Variants in HKDC1 observed in about 807,000 individuals in gnomAD.
HKDC1 encodes hexokinase domain containing 1, also known as hexokinase HKDC1.
A neutral mutation model predicts 96.6 loss-of-function variants in HKDC1; 66 were observed. That is an observed-to-expected ratio of 0.68 (90% confidence interval 0.56 to 0.84). HKDC1 has a LOEUF of 0.84. HKDC1 is among the 40% of genes least tolerant of loss of function. HKDC1 has a pLI of 0.00. For synonymous variants in HKDC1, 466 were observed against 473.1 expected (o/e 0.98, Z 0.20); for missense variants, 1,211 against 1,208.1 (o/e 1.00, Z -0.04).
At chr10:69,238,552 A>G (rs1369245449) in intron 4 of HKDC1, among the ~76,000 whole-genome samples, 1 of 83,796 alleles carries the variant, frequency 1.2e-5, no homozygotes, top group Non-Finnish European at 2.3e-5. Flanking sequence ...AATTTTTTGT[A>G]TTTTTAGTAG....
intron 4 of HKDC1, among the ~76,000 whole-genome samples, chr10:69,237,295 G>C (rs552862728): frequency 0.041 from 6,289 of 151,592 alleles, 442 homozygotes; most frequent in African/African-American, 0.14. Flanking sequence ...GTGTGTGTGT[G>C]TGTGTGTGTG....
rs771926684 is a variant in HKDC1 at position 69,247,438 on chromosome 10, C to T, written c.1110C>T (p.Ala370=). 32 of 1,614,008 alleles carry T rather than the reference C, an allele frequency of 2.0e-5. No homozygotes were observed. Among genetic ancestry groups the T allele is most frequent in the African/African-American group, 9.3e-5 (7 of 74,888 alleles). Residue 370 remains alanine, a synonymous_variant, in exon 9 of 18, where the codon GCC becomes GCT. Transcript: ENST00000354624. ...GLEPSEADCI[A]VQHVCTIVSF... is the part of the protein sequence containing the mutation. ...AACCGTCTGAGGCTGACTGCATTGC[C>T]GTCCAGCATGTCTGTACCATCGTCT...
chr10:69,235,017 C>T (rs973157293), intron 4 of HKDC1, among the ~76,000 whole-genome samples: 2 of 152,172 alleles, frequency 1.3e-5, no homozygotes, highest in African/African-American at 4.8e-5. Flanking sequence ...AATCCCAGCA[C>T]CCTGGGAGGC....
At position 69,248,532 on chromosome 10, in the gene HKDC1, G is replaced by A. The variant is rs147007374; in HGVS notation, c.1374G>A (p.Ala458=). ...CCAAGGGGGCCGCCATGGTGACCGC[G>A]GTGGCCTCCCGCGTGCAGGCCCAGC... ...GSTKGAAMVT[A]VASRVQAQRK... The change falls in exon 10 of 18, where the codon GCG becomes GCA. Residue 458 remains alanine, a synonymous_variant. Coordinates refer to ENST00000354624, the MANE Select transcript of HKDC1 (RefSeq NM_025130.4). 10 of 1,613,888 alleles carry A rather than the reference G, an allele frequency of 6.2e-6. No homozygotes were observed. Among genetic ancestry groups the A allele is most frequent in the South Asian group, 2.2e-5 (2 of 91,076 alleles).
In HKDC1 at chr10:69,250,732, C is replaced by T. The variant is rs1343073595; in HGVS notation, c.1836+80C>T. On this transcript the variant is annotated intron_variant, in intron 12 of 17. Coordinates refer to ENST00000354624, the MANE Select transcript of HKDC1 (RefSeq NM_025130.4). ...GGGACCATCTCCAGGTAACTCCCAG[C>T]CTGCCTTCATTTTTACAGGGATCTT... 3.3e-6 allele frequency: 5 copies of T among 1,514,062 alleles called. No individual in the cohort carries two copies. The East Asian group carries it at 9.0e-5, about 27-fold the overall frequency. The allele number at this position is 1,514,062 out of a possible 1,614,324, so 93.8% of individuals were successfully genotyped here. A position where few individuals can be genotyped will look rare whatever the true frequency, so the allele number is the denominator to read the frequency against.
rs111490764 is a variant in HKDC1 at position 69,223,662 on chromosome 10, T to C, written c.63+3164T>C. Among the ~76,000 whole-genome samples, 1,122 of 141,932 alleles carry C rather than the reference T, an allele frequency of 7.9e-3. 15 individuals are homozygous for C. The highest frequency in any genetic ancestry group is 0.029 in the African/African-American group (1,083 of 37,952). 93.1% of individuals were successfully genotyped at this position (141,932 alleles called of 152,430 possible). On this transcript the variant is annotated intron_variant, in intron 1 of 17. Coordinates refer to ENST00000354624, the MANE Select transcript of HKDC1 (RefSeq NM_025130.4). ...GTGCAGTGGTGCGATCTTGGCTCAC[T>C]GCAACCTCCGCCTCCAGGGCTCAAG...
At chr10:69,261,477 A>T in intron 16 of HKDC1, 183 bp downstream of exon 16, 1 of 569,964 alleles carries the variant, frequency 1.8e-6, no homozygotes, top group Non-Finnish European at 3.1e-6. Context: ...TAATAAACTC[A>T]TGGCCAAACT....
Position 69,266,948 on chromosome 10 carries a change from A to G in HKDC1, c.*191A>G. On this transcript the variant is annotated 3_prime_UTR_variant, in exon 18 of 18. Coordinates refer to ENST00000354624, the MANE Select transcript of HKDC1 (RefSeq NM_025130.4). Reference sequence around the variant, plus strand: ...TGCAGTGACATTACATGACATCTCTATTTGGTATATTTGGGCCAAAATGGG... The same window carrying G: ...TGCAGTGACATTACATGACATCTCTGTTTGGTATATTTGGGCCAAAATGGG... The G allele has an allele frequency of 6.0e-6, 3 of 498,794 alleles. No individual in the cohort carries two copies. Among genetic ancestry groups the G allele is most frequent in the South Asian group, 7.2e-5 (2 of 27,640 alleles). The allele number at this position is 498,794 out of a possible 1,614,324, so 30.9% of individuals were successfully genotyped here.
At chr10:69,262,801 A>G (rs1294164233) in intron 16 of HKDC1, among the ~76,000 whole-genome samples, 2 of 152,196 alleles carry the variant, frequency 1.3e-5, no homozygotes, top group African/African-American at 4.8e-5. Flanking sequence ...CAACCCATCC[A>G]ATCTGAACAG....
At position 69,237,341 on chromosome 10, in the gene HKDC1, T is replaced by C. The variant is rs993902188; in HGVS notation, c.496-1701T>C. Among the ~76,000 whole-genome samples, 50 of 149,206 alleles carry C rather than the reference T, an allele frequency of 3.4e-4. 1 individual carries two copies. Among genetic ancestry groups the C allele is most frequent in the Non-Finnish European group, 4.5e-4 (30 of 67,312 alleles). ...TGTTTTCTGATAATAAAATAAATGG[T>C]AATACTTTTTTCAAGGTTTAAAAAA... On this transcript the variant is annotated intron_variant, in intron 4 of 17. Coordinates refer to ENST00000354624, the MANE Select transcript of HKDC1 (RefSeq NM_025130.4).
At chr10:69,258,409 T>G (rs924346499) in intron 14 of HKDC1, among the ~76,000 whole-genome samples, 7 of 152,168 alleles carry the variant, frequency 4.6e-5, no homozygotes, top group African/African-American at 1.7e-4. Context: ...CCCTTCCAGC[T>G]CTGACTGCTA....
intron 9 of HKDC1, among the ~76,000 whole-genome samples, chr10:69,248,137 T>C (rs1180900568): frequency 1.3e-5 from 2 of 152,010 alleles, no homozygotes; most frequent in Non-Finnish European, 2.9e-5. Context: ...AGAAAGAAAA[T>C]CCTTCTCTTT....
In HKDC1 at chr10:69,267,137, G is replaced by A; in HGVS notation, c.*380G>A. On this transcript the variant is annotated 3_prime_UTR_variant, in exon 18 of 18. Coordinates refer to ENST00000354624, the MANE Select transcript of HKDC1 (RefSeq NM_025130.4). ...GGCTGGCAGGCTGTTTCCCCATTGG[G>A]ATGCTTAAGCCATCTCTTATAGGGG... 1 of 224,416 alleles carries A rather than the reference G, an allele frequency of 4.5e-6. No individual in the cohort carries two copies. The highest frequency in any genetic ancestry group is 8.9e-6 in the Non-Finnish European group (1 of 112,924). The allele number at this position is 224,416 out of a possible 1,614,324, so 13.9% of individuals were successfully genotyped here. A position where few individuals can be genotyped will look rare whatever the true frequency, so the allele number is the denominator to read the frequency against.
chr10:69,233,100 T>C lies in HKDC1; in HGVS notation c.462T>C (p.Phe154=), dbSNP rs780956532. 3.7e-6 allele frequency: 6 copies of C among 1,614,182 alleles called. No individual in the cohort carries two copies. The highest frequency in any genetic ancestry group is 1.7e-5 in the Admixed American group (1 of 60,030). ...KHKKLPLGLT[F]SFPCRQTKLE... is the part of the protein sequence containing the mutation. ...AGAAATTGCCCCTTGGCCTAACTTT[T>C]TCTTTCCCCTGTCGACAGACTAAAC... The change falls in exon 4 of 18, where the codon TTT becomes TTC. Residue 154 remains phenylalanine, a synonymous_variant. Transcript: ENST00000354624.
chr10:69,240,283 T>C (rs1180225464), intron 5 of HKDC1, among the ~76,000 whole-genome samples: 2 of 152,068 alleles, frequency 1.3e-5, no homozygotes, highest in Non-Finnish European at 2.9e-5. Flanking sequence ...TGAACAGCCA[T>C]CACACTCTAG....
chr10:69,264,765 T>C (rs1843865883), intron 16 of HKDC1, among the ~76,000 whole-genome samples: 1 of 152,236 alleles, frequency 6.6e-6, no homozygotes, highest in Non-Finnish European at 1.5e-5. Flanking sequence ...GTTTCTCAAT[T>C]GTCTTTCTTG....
At chr10:69,246,262 G>A (rs747154181) in intron 8 of HKDC1, 28 bp downstream of exon 8, 45 of 1,609,314 alleles carry the variant, frequency 2.8e-5, no homozygotes, top group Non-Finnish European at 3.7e-5. Flanking sequence ...CCTTGGCTCT[G>A]TGGAGGGCTG....
rs1393095357 is a variant in HKDC1, at chr10:69,243,296, C to T, written c.806C>T (p.Ala269Val). Residue 269 changes from alanine (A) to valine (V), a missense_variant, in exon 7 of 18, where the codon GCC becomes GTC. By Grantham distance (64) the Ala-to-Val change is moderately conservative. Coordinates refer to ENST00000354624, the MANE Select transcript of HKDC1 (RefSeq NM_025130.4). ...TEWGAFGDDGALEDIRTEFDR... is the reference protein window; with the variant it reads ...TEWGAFGDDGVLEDIRTEFDR... ...TGGGGGGCCTTCGGGGACGACGGGG[C>T]CCTGGAGGACATTCGCACTGAGTTC... 3 of 1,613,484 alleles carry T rather than the reference C, an allele frequency of 1.9e-6. No individual in the cohort carries two copies. The highest frequency in any genetic ancestry group is 2.5e-6 in the Non-Finnish European group (3 of 1,179,696).
intron 14 of HKDC1, 133 bp downstream of exon 14, chr10:69,257,559 G>T: frequency 1.4e-6 from 1 of 733,334 alleles, no homozygotes; most frequent in South Asian, 1.6e-5. Context: ...AGTTACAATT[G>T]GGATTCCAGG....
Sources: allele counts gnomAD v4.1 joint callset (sites outside exome capture counted in the v4.1 genomes callset), GRCh38; gene constraint gnomAD v4.1.1; transcripts MANE v1.5; gene names NCBI Gene and HGNC (gene_info 2026-07-23, HGNC 2026-07-21).